The following FUBP1 variants were observed in gnomAD, a reference collection of about 807,000 sequenced individuals.
The protein encoded by FUBP1 is far upstream element binding protein 1.
In FUBP1, 16 loss-of-function variants were observed where a neutral mutation model predicts 94.9. The observed-to-expected ratio is 0.17, with a 90% CI of 0.11 to 0.26. The LOEUF (loss-of-function observed/expected upper bound fraction) is 0.26, where lower values mean the gene tolerates loss of function less well. Ranked by LOEUF, FUBP1 falls within the 10% of genes least tolerant of loss-of-function variation. The pLI, the probability that FUBP1 is intolerant of heterozygous loss-of-function variation, is 1.00. For synonymous variants in FUBP1, 279 were observed against 254.9 expected (o/e 1.09, Z -0.90); for missense variants, 583 against 808.6 (o/e 0.72, Z 3.38).
At chr1:77,966,051 GAACT>G (rs1403883999) in intron 7 of FUBP1, among the ~76,000 whole-genome samples, 2 of 152,134 alleles carry the variant, frequency 1.3e-5, no homozygotes, top group Non-Finnish European at 2.9e-5. Context: ...TAATGAGGGA[GAACT>G]AACAATGCAG....
intron 17 of FUBP1, among the ~76,000 whole-genome samples, chr1:77,956,081 T>C (rs1450076165): frequency 6.6e-6 from 1 of 152,196 alleles, no homozygotes; most frequent in Non-Finnish European, 1.5e-5. Context: ...TTTAAAAATA[T>C]AACCTACTGC....
intron 14 of FUBP1, chr1:77,960,770 G>A (rs2296453): frequency 0.09 from 28,765 of 317,880 alleles, 1,603 homozygotes; most frequent in Admixed American, 0.19. Context: ...GCTTGTTTGC[G>A]GACAGCAGTA....
chr1:77,979,191 G>C (rs534236786), upstream of FUBP1: 3 of 603,516 alleles, frequency 5.0e-6, no homozygotes, highest in Non-Finnish European at 8.6e-6. Flanking sequence ...GTGTGGGTTA[G>C]GGCTGAGAAA....
chr1:77,953,363 C>T (rs185335327), intron 18 of FUBP1, among the ~76,000 whole-genome samples: 4 of 152,158 alleles, frequency 2.6e-5, no homozygotes, highest in African/African-American at 9.6e-5. Context: ...TGGTAGCAGG[C>T]GCCTGTAATC....
At chr1:77,960,149 A>G in intron 16 of FUBP1, 35 bp downstream of exon 16, 1 of 1,427,300 alleles carries the variant, frequency 7.0e-7, no homozygotes, top group Non-Finnish European at 9.8e-7. Flanking sequence ...GTGGAAAATA[A>G]TACAGATAAC....
chr1:77,973,444 C>T (rs1220405979), intron 1 of FUBP1, among the ~76,000 whole-genome samples: 3 of 152,074 alleles, frequency 2.0e-5, no homozygotes, highest in Non-Finnish European at 4.4e-5. Flanking sequence ...CAGGGTTTCA[C>T]CTTGTTGGCC....
At chr1:77,965,705 T>C (rs531315326) in intron 7 of FUBP1, among the ~76,000 whole-genome samples, 2 of 152,264 alleles carry the variant, frequency 1.3e-5, no homozygotes, top group African/African-American at 4.8e-5. Flanking sequence ...TTTCATTAAA[T>C]AAGTAAAAAT....
chr1:77,962,435 A>G (rs575457890), intron 14 of FUBP1, among the ~76,000 whole-genome samples: 3 of 152,238 alleles, frequency 2.0e-5, no homozygotes, highest in African/African-American at 7.2e-5. Flanking sequence ...AGTAGAGTAA[A>G]ATCTTAATAA....
intron 1 of FUBP1, among the ~76,000 whole-genome samples, chr1:77,972,216 GCTGGGTATCGACAGGCA>G (rs1657690756): frequency 6.6e-6 from 1 of 152,088 alleles, no homozygotes; most frequent in Non-Finnish European, 1.5e-5. Context: ...TAAATACACT[GCTGGGTATCGACAGGCA>G]CTAATAGTAG....
In FUBP1 at chr1:77,968,220, CTT is replaced by C. The variant is rs766016923; in HGVS notation, c.212-19_212-18del. 2 of 1,516,050 alleles carry C rather than the reference CTT, an allele frequency of 1.3e-6. No homozygotes were observed. Among genetic ancestry groups the C allele is most frequent in the Non-Finnish European group, 1.8e-6 (2 of 1,128,386 alleles). The allele number at this position is 1,516,050 out of a possible 1,614,324, so 93.9% of individuals were successfully genotyped here. Reference sequence around the variant, plus strand: ...CTGGTTGATCTGCAAAATTAAGTGTCTTTTAATTTTTTGCCAATTAAGTACAA... The same window carrying C: ...CTGGTTGATCTGCAAAATTAAGTGTCTTAATTTTTTGCCAATTAAGTACAA... On this transcript the variant is annotated intron_variant, in intron 2 of 19. Transcript: ENST00000370768.
chr1:77,949,085 AACAG>A (rs930456551), intron 19 of FUBP1, 66 bp downstream of exon 19: 35 of 1,415,544 alleles, frequency 2.5e-5, no homozygotes, highest in Middle Eastern at 2.4e-4. Flanking sequence ...AACACTCCCA[AACAG>A]ACAAACAGTA....
At position 77,945,182 on chromosome 1, in the gene FUBP1, T is replaced by G. The variant is rs1004742619; in HGVS notation, c.*3584A>C. ...ATGAGACAGAAACAATGCCCCAATATCTATTATCATCAATCTATCTGTATT... is the reference window on the plus strand; with the variant it reads ...ATGAGACAGAAACAATGCCCCAATAGCTATTATCATCAATCTATCTGTATT... On this transcript the variant is annotated 3_prime_UTR_variant, in exon 20 of 20. Coordinates refer to ENST00000370768, the MANE Select transcript of FUBP1 (RefSeq NM_003902.5). Among the ~76,000 whole-genome samples, 1 of 151,882 alleles carries G rather than the reference T, an allele frequency of 6.6e-6. No individual in the cohort carries two copies. The highest frequency in any genetic ancestry group is 6.6e-5 in the Admixed American group (1 of 15,218).
At chr1:77,963,057 T>C in intron 13 of FUBP1, 127 bp from the exon 14 acceptor site, 1 of 565,042 alleles carries the variant, frequency 1.8e-6, no homozygotes, top group African/African-American at 1.9e-5. Context: ...ATTGACAATA[T>C]TGTATTAAGA....
Position 77,960,402 on chromosome 1 carries a change from G to C in FUBP1, c.1438C>G (p.Pro480Ala). Residue 480 changes from proline (P) to alanine (A), a missense_variant, in exon 15 of 20, where the codon CCA (proline) becomes GCA (alanine). Physicochemically the swap from Pro to Ala is conservative, Grantham distance 27. Transcript: ENST00000370768. ...GGTGCAGGGTTGTATGGTCCCATTG[G>C]AGTTCCAGGCCCTGGAGGCCCAGGA... ...GPPGPPGPGT[P>A]MGPYNPAPYN... 1 of 1,596,600 alleles carries C rather than the reference G, an allele frequency of 6.3e-7. No homozygotes were observed. The highest frequency in any genetic ancestry group is 8.5e-7 in the Non-Finnish European group (1 of 1,176,202).
At chr1:77,962,640 T>C (rs1309870327) in intron 14 of FUBP1, 130 bp downstream of exon 14, 12 of 549,692 alleles carry the variant, frequency 2.2e-5, no homozygotes, top group Non-Finnish European at 3.5e-5. Flanking sequence ...GTATCTATTA[T>C]ACATATCATG....
At chr1:77,979,115 A>G (rs547648180), upstream of FUBP1, 29 of 1,132,292 alleles carry the variant, frequency 2.6e-5, no homozygotes, top group South Asian at 2.2e-4. Flanking sequence ...TTGCGCGACC[A>G]TCGTGCCGTA....
At position 77,960,572 on chromosome 1, in the gene FUBP1, C is replaced by A. The variant is rs1655269090; in HGVS notation, c.1345-77G>T. On this transcript the variant is annotated intron_variant, in intron 14 of 19. Coordinates refer to ENST00000370768, the MANE Select transcript of FUBP1 (RefSeq NM_003902.5). ...AACAACTCTACGGCCAAATAATCAT[C>A]CATTTCTACCCTCTTATAGTCACAA... 3.5e-6 allele frequency: 4 copies of A among 1,158,704 alleles called. No homozygotes were observed. In the South Asian group the frequency reaches 5.9e-5, roughly 17 times the overall value. The allele number at this position is 1,158,704 out of a possible 1,614,324, so 71.8% of individuals were successfully genotyped here. A position where few individuals can be genotyped will look rare whatever the true frequency, so the allele number is the denominator to read the frequency against.
At position 77,963,690 on chromosome 1, in the gene FUBP1, G is replaced by C; in HGVS notation, c.1067C>G (p.Pro356Arg). ...VQAGNPGGPG[P>R]GGRGRGRGQG... Reference sequence around the variant, plus strand: ...ACCTCTACCTCTTCCTCGACCACCAGGTCCAGGTCCACCAGGATTACCAGC... The same window carrying C: ...ACCTCTACCTCTTCCTCGACCACCACGTCCAGGTCCACCAGGATTACCAGC... The change falls in exon 13 of 20, where the codon CCT becomes CGT. Residue 356 changes from proline to arginine, a missense_variant. Physicochemically the swap from Pro to Arg is moderately radical, Grantham distance 103 (BLOSUM62 -2). Coordinates refer to ENST00000370768, the MANE Select transcript of FUBP1 (RefSeq NM_003902.5). The C allele has an allele frequency of 1.2e-6, 2 of 1,611,540 alleles. No homozygotes were observed. Among genetic ancestry groups the C allele is most frequent in the Non-Finnish European group, 1.7e-6 (2 of 1,178,006 alleles).
chr1:77,965,979 T>C (rs965579627), intron 7 of FUBP1, among the ~76,000 whole-genome samples: 1 of 152,172 alleles, frequency 6.6e-6, no homozygotes, highest in Non-Finnish European at 1.5e-5. Context: ...ATCGTGCCCC[T>C]GCACTCCAGC....
Sources: gnomAD v4.1 joint callset for allele counts (sites outside exome capture counted in the v4.1 genomes callset) on GRCh38, gnomAD v4.1.1 for gene constraint, MANE v1.5 for transcripts, NCBI Gene and HGNC (gene_info 2026-07-23, HGNC 2026-07-21) for gene names.